TRDMT1: variants seen among roughly 807,000 people sequenced by gnomAD.
The protein encoded by TRDMT1 is tRNA aspartic acid methyltransferase 1.
Under a neutral mutation model 51.2 loss-of-function variants are expected in TRDMT1, and 49 were observed. The observed-to-expected ratio is 0.96, with a 90% CI of 0.76 to 1.21. TRDMT1 has a LOEUF of 1.21. TRDMT1 is among the 50% of genes most tolerant of loss of function. The pLI is 0.00. For synonymous variants in TRDMT1, 187 were observed against 164.6 expected (o/e 1.14, Z -1.04); for missense variants, 534 against 462.3 (o/e 1.16, Z -1.42).
Position 17,160,367 on chromosome 10 carries a change from A to C in TRDMT1, c.397T>G (p.Leu133Val), listed in dbSNP as rs1282363409. 1 of 1,538,462 alleles carries C rather than the reference A, an allele frequency of 6.5e-7. No homozygotes were observed. The highest frequency in any genetic ancestry group is 8.7e-7 in the Non-Finnish European group (1 of 1,143,138). The change falls in exon 6 of 11, where the codon TTG (leucine) becomes GTG (valine). Residue 133 changes from leucine (L) to valine (V), a missense_variant. Coordinates refer to ENST00000377799, the MANE Select transcript of TRDMT1 (RefSeq NM_004412.7). ...GFEVSSTRDL[L>V]IQTIENCGFQ... is the part of the protein sequence containing the mutation. ...CCACAATTTTCTATTGTTTGTATCAAGAGGTCTCTAAAAAGAAAAAAAAAA... is the reference window on the plus strand; with the variant it reads ...CCACAATTTTCTATTGTTTGTATCACGAGGTCTCTAAAAAGAAAAAAAAAA...
In TRDMT1 at chr10:17,146,110, C is replaced by G; in HGVS notation, c.*2930G>C. ...CAGCCTTTCAGGGCAACTTAAAAGC[C>G]TCTCTACTAAATAACTTTACCTCTT... On this transcript the variant is annotated 3_prime_UTR_variant, in exon 11 of 11. Coordinates refer to ENST00000377799, the MANE Select transcript of TRDMT1 (RefSeq NM_004412.7). The G allele has an allele frequency of 2.0e-6, 2 of 985,424 alleles. No individual in the cohort carries two copies. Among genetic ancestry groups the G allele is most frequent in the Non-Finnish European group, 1.2e-6 (1 of 829,946 alleles). The allele number at this position is 985,424 out of a possible 1,614,324, so 61.0% of individuals were successfully genotyped here.
At chr10:17,171,111 A>ATGTGTG (rs66891484) in intron 2 of TRDMT1, among the ~76,000 whole-genome samples, 49,908 of 142,570 alleles carry the variant, frequency 0.35, 8,441 homozygotes, top group Middle Eastern at 0.44. Context: ...CTGGATTTAG[A>ATGTGTG]TGTGTGTGTG....
At chr10:17,198,625 G>C (rs984100016) in intron 1 of TRDMT1, among the ~76,000 whole-genome samples, 5 of 152,176 alleles carry the variant, frequency 3.3e-5, no homozygotes, top group African/African-American at 4.8e-5. Context: ...GCAGAATCAA[G>C]GTTACCAGGG....
intron 2 of TRDMT1, among the ~76,000 whole-genome samples, chr10:17,173,143 T>C (rs2131509891): frequency 6.6e-6 from 1 of 152,280 alleles, no homozygotes; most frequent in East Asian, 1.9e-4. Flanking sequence ...TTCAAAAACT[T>C]TGAAAATTTG....
intron 1 of TRDMT1, among the ~76,000 whole-genome samples, chr10:17,185,039 T>C (rs1416567338): frequency 6.6e-6 from 1 of 152,214 alleles, no homozygotes; most frequent in South Asian, 2.1e-4. Flanking sequence ...TAAGCCTCAG[T>C]ATCTTCACCT....
At chr10:17,156,612 G>T (rs1440772321) in intron 8 of TRDMT1, among the ~76,000 whole-genome samples, 2 of 152,100 alleles carry the variant, frequency 1.3e-5, no homozygotes, top group Non-Finnish European at 1.5e-5. Flanking sequence ...AAATGTTCAA[G>T]TAATAACCCA....
intron 7 of TRDMT1, among the ~76,000 whole-genome samples, chr10:17,158,483 G>A (rs1649713760): frequency 6.6e-6 from 1 of 152,020 alleles, no homozygotes; most frequent in Non-Finnish European, 1.5e-5. Flanking sequence ...TATTATAAAG[G>A]GATTGAGGTG....
At chr10:17,174,808 G>T in intron 1 of TRDMT1, 148 bp from the exon 2 acceptor site, 1 of 634,864 alleles carries the variant, frequency 1.6e-6, no homozygotes. Flanking sequence ...CAGGCCAGGG[G>T]AAGCCAGGCA....
At chr10:17,199,749 G>A (rs561651812) in intron 1 of TRDMT1, among the ~76,000 whole-genome samples, 10 of 152,346 alleles carry the variant, frequency 6.6e-5, no homozygotes, top group African/African-American at 2.4e-4. Context: ...AAACGGAGTA[G>A]GGAGGCAGAA....
chr10:17,169,940 C>G (rs897934280), intron 2 of TRDMT1, among the ~76,000 whole-genome samples: 1 of 152,202 alleles, frequency 6.6e-6, no homozygotes, highest in African/African-American at 2.4e-5. Flanking sequence ...CTACACTGAG[C>G]AGTCTGCCAG....
intron 3 of TRDMT1, among the ~76,000 whole-genome samples, chr10:17,166,747 C>G (rs144450649): frequency 1.1e-3 from 164 of 152,342 alleles, no homozygotes; most frequent in African/African-American, 3.7e-3. Context: ...CTCCTGCCAT[C>G]AGCAGCTGGA....
chr10:17,156,260 A>C (rs1254891145), intron 8 of TRDMT1, among the ~76,000 whole-genome samples: 1 of 151,250 alleles, frequency 6.6e-6, no homozygotes, highest in South Asian at 2.1e-4. Context: ...TTTGAGACAG[A>C]GTCTCACTCT....
chr10:17,145,936 C>T lies in TRDMT1; in HGVS notation c.*3104G>A. 1.0e-6 allele frequency: 1 copy of T among 985,406 alleles called. No homozygotes were observed. Among genetic ancestry groups the T allele is most frequent in the South Asian group, 4.7e-5 (1 of 21,286 alleles). The allele number at this position is 985,406 out of a possible 1,614,324, so 61.0% of individuals were successfully genotyped here. ...TTTCTCTCTCCTCAGAAGTCTCCAGCTTAATCACTCTAGACCTCAACTAGG... is the reference window on the plus strand; with the variant it reads ...TTTCTCTCTCCTCAGAAGTCTCCAGTTTAATCACTCTAGACCTCAACTAGG... On this transcript the variant is annotated 3_prime_UTR_variant, in exon 11 of 11. Coordinates refer to ENST00000377799, the MANE Select transcript of TRDMT1 (RefSeq NM_004412.7).
chr10:17,144,940 G>C lies in TRDMT1; in HGVS notation c.*4100C>G, dbSNP rs996809014. On this transcript the variant is annotated 3_prime_UTR_variant, in exon 11 of 11. Coordinates refer to ENST00000377799, the MANE Select transcript of TRDMT1 (RefSeq NM_004412.7). ...AAAGAACATGTGCAAGATGCTTAAT[G>C]CCTTTTTAAAAAACATGCAAAGGGA... 3.5e-5 allele frequency: 34 copies of C among 985,112 alleles called. No individual in the cohort carries two copies. Among genetic ancestry groups the C allele is most frequent in the Admixed American group, 6.2e-5 (1 of 16,244 alleles). 61.0% of individuals were successfully genotyped at this position (985,112 alleles called of 1,614,324 possible). A position where few individuals can be genotyped will look rare whatever the true frequency, so the allele number is the denominator to read the frequency against.
intron 1 of TRDMT1, among the ~76,000 whole-genome samples, chr10:17,176,204 A>C (rs1253280091): frequency 6.6e-6 from 1 of 152,218 alleles, no homozygotes. Context: ...TGAAAATTAA[A>C]TAAACTTCAT....
At chr10:17,201,358 G>T in intron 1 of TRDMT1, 1 of 519,066 alleles carries the variant, frequency 1.9e-6, no homozygotes, top group Non-Finnish European at 3.4e-6. Flanking sequence ...GGCCCCTCGA[G>T]CCAGACTCGG....
In TRDMT1 at chr10:17,142,071, C is replaced by T. The variant is rs137919223; in HGVS notation, c.*6969G>A. 1.3e-5 allele frequency among the ~76,000 whole-genome samples: 2 copies of T among 152,200 alleles called. No individual in the cohort carries two copies. Among genetic ancestry groups the T allele is most frequent in the African/African-American group, 4.8e-5 (2 of 41,536 alleles). The stretch of plus-strand genomic sequence containing the variant: ...TTTTCTATTTTTTGTGGCAAGACAA[C>T]TTGTAATTACCTGTTGAAGCATTTT... On this transcript the variant is annotated 3_prime_UTR_variant, in exon 11 of 11. Transcript: ENST00000377799.
intron 2 of TRDMT1, among the ~76,000 whole-genome samples, chr10:17,172,197 A>G (rs1461294082): frequency 6.6e-6 from 1 of 152,232 alleles, no homozygotes; most frequent in African/African-American, 2.4e-5. Context: ...CGTGATAAAG[A>G]TAAAATCTTA....
intron 1 of TRDMT1, 113 bp from the exon 2 acceptor site, chr10:17,174,773 T>G (rs1226759892): frequency 1.2e-6 from 1 of 833,848 alleles, no homozygotes; most frequent in Non-Finnish European, 1.9e-6. Flanking sequence ...TTTATTAGCC[T>G]CATCTCAGAC....
Sources: gnomAD v4.1 joint callset for allele counts (sites outside exome capture counted in the v4.1 genomes callset) on GRCh38, gnomAD v4.1.1 for gene constraint, MANE v1.5 for transcripts, NCBI Gene and HGNC (gene_info 2026-07-23, HGNC 2026-07-21) for gene names.